LRCH1: variants seen among roughly 807,000 people sequenced by gnomAD.
LRCH1 encodes the protein leucine rich repeats and calponin homology domain containing 1.
A neutral mutation model predicts 94.9 loss-of-function variants in LRCH1; 23 were observed. The ratio of observed to expected loss-of-function variants is 0.24; its 90% CI spans 0.17 to 0.34. LRCH1 has a LOEUF of 0.34. LRCH1 is among the 10% of genes least tolerant of loss of function. The probability of loss-of-function intolerance (pLI) is 1.00; values close to 1 mark genes in which losing one functional copy is unlikely to be tolerated. For missense variants in LRCH1, 790 were observed against 945.9 expected, an observed-to-expected ratio of 0.84 and a Z score of 2.16; for synonymous variants, 364 against 354.9, an observed-to-expected ratio of 1.03 and a Z score of -0.29.
chr13:46,577,289 G>A (rs1343180070), intron 1 of LRCH1, among the ~76,000 whole-genome samples: 1 of 152,004 alleles, frequency 6.6e-6, no homozygotes, highest in Non-Finnish European at 1.5e-5. Context: ...GTAGAGATGG[G>A]ATTTCACCAT....
intron 1 of LRCH1, among the ~76,000 whole-genome samples, chr13:46,600,845 C>G (rs1594276304): frequency 6.6e-6 from 1 of 152,206 alleles, no homozygotes; most frequent in African/African-American, 2.4e-5. Context: ...TAGCAACAGT[C>G]AGCTTTTCTG....
At chr13:46,724,727 C>T (rs1361147281) in intron 17 of LRCH1, among the ~76,000 whole-genome samples, 3 of 152,142 alleles carry the variant, frequency 2.0e-5, no homozygotes, top group Non-Finnish European at 4.4e-5. Context: ...AAAGACAGCA[C>T]GTTATGAATT....
intron 1 of LRCH1, among the ~76,000 whole-genome samples, chr13:46,581,875 T>C (rs1352629278): frequency 6.6e-6 from 1 of 152,150 alleles, no homozygotes; most frequent in Non-Finnish European, 1.5e-5. Flanking sequence ...TAAAAGAGAC[T>C]TTTGGAAATT....
intron 1 of LRCH1, among the ~76,000 whole-genome samples, chr13:46,567,055 CT>C (rs2050192230): frequency 6.6e-6 from 1 of 152,168 alleles, no homozygotes; most frequent in Non-Finnish European, 1.5e-5. Flanking sequence ...TCTTGTTAGA[CT>C]TTGTAACACA....
chr13:46,686,193 T>A, intron 5 of LRCH1, 152 bp downstream of exon 5: 1 of 739,290 alleles, frequency 1.4e-6, no homozygotes, highest in Non-Finnish European at 1.9e-6. Context: ...CAAAATTTAT[T>A]AACATGTACG....
intron 1 of LRCH1, among the ~76,000 whole-genome samples, chr13:46,614,531 A>G (rs2050784017): frequency 6.6e-6 from 1 of 152,250 alleles, no homozygotes; most frequent in African/African-American, 2.4e-5. Context: ...AAAAGCATGC[A>G]CAGTTAAGGA....
chr13:46,715,535 G>A (rs1378896468), intron 15 of LRCH1, 25 bp from the exon 16 acceptor site: 2 of 1,393,832 alleles, frequency 1.4e-6, no homozygotes, highest in Admixed American at 2.0e-5. Flanking sequence ...ACTGTACGCG[G>A]ACTGGCTCTC....
chr13:46,731,920 T>A (rs1375080868), intron 18 of LRCH1, among the ~76,000 whole-genome samples: 2 of 152,176 alleles, frequency 1.3e-5, no homozygotes, highest in Admixed American at 1.3e-4. Flanking sequence ...GGTTTCTTCC[T>A]TTGTTCATTT....
chr13:46,560,650 C>T (rs1488075788), intron 1 of LRCH1, among the ~76,000 whole-genome samples: 9 of 152,120 alleles, frequency 5.9e-5, no homozygotes, highest in Non-Finnish European at 8.8e-5. Flanking sequence ...GTTATTGCTA[C>T]TAGTCTTTTG....
intron 13 of LRCH1, among the ~76,000 whole-genome samples, chr13:46,709,776 C>T (rs1046205407): frequency 2.6e-5 from 4 of 151,796 alleles, no homozygotes; most frequent in African/African-American, 9.7e-5. Flanking sequence ...ATTCTCACTC[C>T]TTGTTTTCCT....
intron 1 of LRCH1, among the ~76,000 whole-genome samples, chr13:46,612,722 AGG>A (rs1055246963): frequency 8.5e-5 from 13 of 152,222 alleles, no homozygotes; most frequent in Non-Finnish European, 1.8e-4. Context: ...TATGAAAAAA[AGG>A]GAAGTTTCCA....
In LRCH1 at chr13:46,607,587, C is replaced by G. The variant is rs577243690; in HGVS notation, c.308-42614C>G. Among the ~76,000 whole-genome samples, 31 of 151,888 alleles carry G rather than the reference C, an allele frequency of 2.0e-4. 1 individual carries two copies. In the South Asian group the frequency reaches 6.5e-3, roughly 32 times the overall value. Reference sequence around the variant, plus strand: ...CTCATGATTCATTGTTCTTCTCCTTCTCCTTTTTCTCCTTCTCCTTCTCCT... The same window carrying G: ...CTCATGATTCATTGTTCTTCTCCTTGTCCTTTTTCTCCTTCTCCTTCTCCT... On this transcript the variant is annotated intron_variant, in intron 1 of 19. Coordinates refer to ENST00000389797, the MANE Select transcript of LRCH1 (RefSeq NM_001164211.2).
At chr13:46,675,814 TG>T (rs1266665398) in intron 3 of LRCH1, among the ~76,000 whole-genome samples, 6 of 152,220 alleles carry the variant, frequency 3.9e-5, no homozygotes, top group Admixed American at 3.9e-4. Flanking sequence ...CTTCCATTTC[TG>T]CCTTTCTTCT....
intron 15 of LRCH1, among the ~76,000 whole-genome samples, chr13:46,713,615 T>A (rs910694281): frequency 4.6e-5 from 7 of 152,228 alleles, no homozygotes; most frequent in African/African-American, 1.7e-4. Flanking sequence ...TTTGAGAAAG[T>A]GCTTGAGTGT....
chr13:46,656,477 G>GT (rs66476876), intron 2 of LRCH1, among the ~76,000 whole-genome samples: 3,422 of 152,292 alleles, frequency 0.022, 145 homozygotes, highest in African/African-American at 0.078. Flanking sequence ...ACACTTTAGT[G>GT]TGTATATTAA....
chr13:46,584,010 AGAATAATATTTTCTC>A (rs779428953), intron 1 of LRCH1, among the ~76,000 whole-genome samples: 33 of 151,868 alleles, frequency 2.2e-4, no homozygotes, highest in Non-Finnish European at 4.1e-4. Context: ...TCCTTCTTAT[AGAATAATATTTTCTC>A]GATATGTTTT....
At chr13:46,603,945 C>T (rs1177454267) in intron 1 of LRCH1, among the ~76,000 whole-genome samples, 1 of 152,228 alleles carries the variant, frequency 6.6e-6, no homozygotes, top group Non-Finnish European at 1.5e-5. Context: ...GCGTGAGCCA[C>T]CATGCCCGGC....
In LRCH1 at chr13:46,725,542, C is replaced by T. The variant is rs118158924; in HGVS notation, c.1869+2212C>T. Among the ~76,000 whole-genome samples, 192 of 152,082 alleles carry T rather than the reference C, an allele frequency of 1.3e-3. 1 individual carries two copies. In the East Asian group the frequency reaches 0.016, roughly 13 times the overall value. On this transcript the variant is annotated intron_variant, in intron 17 of 19. Transcript: ENST00000389797. ...TATTGGGGAGAGATAGTAAATAAGA[C>T]GGAAACAAATAAATACACAGTTTCA...
intron 1 of LRCH1, among the ~76,000 whole-genome samples, chr13:46,583,822 G>A (rs1204401197): frequency 4.6e-5 from 7 of 150,682 alleles, no homozygotes; most frequent in Admixed American, 1.3e-4. Context: ...GTGCAGTGGC[G>A]CAATCTCCGC....
Sources: gnomAD v4.1 joint callset for allele counts (sites outside exome capture counted in the v4.1 genomes callset) on GRCh38, gnomAD v4.1.1 for gene constraint, MANE v1.5 for transcripts, NCBI Gene and HGNC (gene_info 2026-07-23, HGNC 2026-07-21) for gene names.